The following CNOT2 variants were observed in gnomAD, a reference collection of about 807,000 sequenced individuals.
CNOT2 encodes the protein CC chemokine receptor 4-negative regulator of transcription 2.
In CNOT2, 7 loss-of-function variants were observed where a neutral mutation model predicts 72.1. That is an observed-to-expected ratio of 0.10 (90% CI 0.06 to 0.18). The LOEUF is 0.18. Among genes scored for constraint, CNOT2 ranks in the 10% least tolerant of loss-of-function variants. CNOT2 has a pLI of 1.00. For missense variants in CNOT2, 345 were observed against 660.3 expected (o/e 0.52, Z 5.23); for synonymous variants, 196 against 225.6 (o/e 0.87, Z 1.17).
intron 2 of CNOT2, among the ~76,000 whole-genome samples, chr12:70,283,622 G>C (rs1282441959): frequency 7.5e-6 from 1 of 133,618 alleles, no homozygotes; most frequent in African/African-American, 2.8e-5. Context: ...AGATGAATAA[G>C]AGCGACCTAA....
intron 1 of CNOT2, among the ~76,000 whole-genome samples, chr12:70,277,239 G>A (rs1275393765): frequency 6.6e-6 from 1 of 152,100 alleles, no homozygotes; most frequent in East Asian, 1.9e-4. Flanking sequence ...TATCTGTCTT[G>A]AAAATGCATA....
intron 3 of CNOT2, among the ~76,000 whole-genome samples, chr12:70,314,033 G>T (rs1419968373): frequency 6.6e-6 from 1 of 152,028 alleles, no homozygotes; most frequent in Non-Finnish European, 1.5e-5. Context: ...TAAAAAAATG[G>T]TTTTTGATTG....
chr12:70,322,699 G>A lies in CNOT2; in HGVS notation c.238+3335G>A, dbSNP rs117487924. 9.8e-3 allele frequency: 1,486 copies of A among 151,804 alleles called. 11 individuals carry two copies. Among genetic ancestry groups the A allele is most frequent in the South Asian group, 0.024 (117 of 4,818 alleles). 9.4% of individuals were successfully genotyped at this position (151,804 alleles called of 1,614,324 possible). On this transcript the variant is annotated intron_variant, in intron 4 of 15. Transcript: ENST00000229195. ...ATGACATAGTCTCATGCTTCCAGCA[G>A]ACATTTCTTTGGCCTCCTGCTTTAA...
chr12:70,301,484 C>T (rs991182232), intron 2 of CNOT2, among the ~76,000 whole-genome samples: 5 of 74,796 alleles, frequency 6.7e-5, no homozygotes, highest in African/African-American at 3.1e-4. Context: ...ATAATCATGC[C>T]GTTTTTTTTC....
chr12:70,331,242 C>T (rs561504530), intron 6 of CNOT2: 1 of 152,000 alleles, frequency 6.6e-6, no homozygotes, highest in African/African-American at 2.4e-5. Context: ...TTTATTCTGT[C>T]TAGTAAAATC....
intron 1 of CNOT2, among the ~76,000 whole-genome samples, chr12:70,245,245 G>GA (rs149198769): frequency 1.3e-5 from 2 of 151,898 alleles, no homozygotes; most frequent in Non-Finnish European, 2.9e-5. Flanking sequence ...TAAATCTAAA[G>GA]AAAAAAATAC....
At chr12:70,308,390 C>T (rs2135947005) in intron 2 of CNOT2, among the ~76,000 whole-genome samples, 1 of 152,128 alleles carries the variant, frequency 6.6e-6, no homozygotes, top group Admixed American at 6.5e-5. Context: ...GAGAGTAAAA[C>T]ACCCTTACCT....
At chr12:70,297,734 A>C (rs1873060158) in intron 2 of CNOT2, 1 of 355,570 alleles carries the variant, frequency 2.8e-6, no homozygotes, top group Non-Finnish European at 5.5e-6. Context: ...TTGGATAATA[A>C]TTTTTTTTTG....
intron 1 of CNOT2, among the ~76,000 whole-genome samples, chr12:70,262,133 A>G (rs991666784): frequency 1.3e-5 from 2 of 151,076 alleles, no homozygotes; most frequent in Non-Finnish European, 3.0e-5. Flanking sequence ...AAAGTTTGTC[A>G]ATCTCTTTAT....
chr12:70,263,298 T>C (rs1958865334), intron 1 of CNOT2, among the ~76,000 whole-genome samples: 1 of 152,134 alleles, frequency 6.6e-6, no homozygotes, highest in Non-Finnish European at 1.5e-5. Context: ...TCTGTTCTTT[T>C]CTCTCTCCTT....
intron 2 of CNOT2, among the ~76,000 whole-genome samples, chr12:70,287,339 T>C (rs1227100802): frequency 6.7e-6 from 1 of 149,682 alleles, no homozygotes; most frequent in Non-Finnish European, 1.5e-5. Flanking sequence ...CTTTATTTAT[T>C]TCTAAAATTT....
At chr12:70,265,321 T>TTCTCTTCTGTTCTCG (rs796521434) in intron 1 of CNOT2, among the ~76,000 whole-genome samples, 1 of 146,688 alleles carries the variant, frequency 6.8e-6, no homozygotes, top group Non-Finnish European at 1.5e-5. Flanking sequence ...TTCTCTTCTC[T>TTCTCTTCTGTTCTCG]TCTCTTTCTT....
chr12:70,254,283 T>G (rs1958308853), intron 1 of CNOT2, among the ~76,000 whole-genome samples: 1 of 151,080 alleles, frequency 6.6e-6, no homozygotes, highest in South Asian at 2.1e-4. Flanking sequence ...AAAAGTTAAA[T>G]GAATGTGATC....
intron 4 of CNOT2, among the ~76,000 whole-genome samples, chr12:70,320,234 C>A (rs1036025908): frequency 6.6e-6 from 1 of 151,576 alleles, no homozygotes; most frequent in Non-Finnish European, 1.5e-5. Context: ...GATGACTATC[C>A]TAACCAGTTT....
At chr12:70,264,901 T>A (rs1435357836) in intron 1 of CNOT2, among the ~76,000 whole-genome samples, 1 of 152,196 alleles carries the variant, frequency 6.6e-6, no homozygotes, top group South Asian at 2.1e-4. Flanking sequence ...CACTGAGTTT[T>A]TGTTTTCTTT....
chr12:70,308,391 A>G (rs1301293162), intron 2 of CNOT2, among the ~76,000 whole-genome samples: 2 of 151,824 alleles, frequency 1.3e-5, no homozygotes, highest in African/African-American at 4.8e-5. Flanking sequence ...AGAGTAAAAC[A>G]CCCTTACCTC....
At chr12:70,273,326 T>C (rs1312144140) in intron 1 of CNOT2, among the ~76,000 whole-genome samples, 5 of 151,934 alleles carry the variant, frequency 3.3e-5, no homozygotes, top group Non-Finnish European at 4.4e-5. Flanking sequence ...TTTTTTTTAG[T>C]CAACAGCATT....
Position 70,310,855 on chromosome 12 carries a change from C to T in CNOT2, c.49-40C>T. On this transcript the variant is annotated intron_variant, in intron 2 of 15. Transcript: ENST00000229195. ...GGAGTAAGGTAACACTGAACATTTT[C>T]CAAAGTATTACCCCTGATAAAAGTA... The T allele has an allele frequency of 1.9e-6, 3 of 1,587,846 alleles. No homozygotes were observed. In the East Asian group the frequency reaches 6.7e-5, roughly 36 times the overall value.
At chr12:70,307,764 A>C (rs908390627) in intron 2 of CNOT2, 1 of 152,030 alleles carries the variant, frequency 6.6e-6, no homozygotes, top group Non-Finnish European at 1.5e-5. Context: ...GTTCTGCCTC[A>C]GAGTATATCC....
Sources: allele counts gnomAD v4.1 joint callset (sites outside exome capture counted in the v4.1 genomes callset), GRCh38; gene constraint gnomAD v4.1.1; transcripts MANE v1.5; gene names NCBI Gene and HGNC (gene_info 2026-07-23, HGNC 2026-07-21).